Variants in LTBP2 observed in about 807,000 individuals in gnomAD.
The protein encoded by LTBP2 is latent-transforming growth factor beta-binding protein 2.
A neutral mutation model predicts 210.6 loss-of-function variants in LTBP2; 103 were observed. The ratio of observed to expected loss-of-function variants is 0.49; its 90% CI spans 0.42 to 0.58. The LOEUF (loss-of-function observed/expected upper bound fraction) is 0.58, where lower values mean the gene tolerates loss of function less well. Ranked by LOEUF, LTBP2 falls within the 20% of genes least tolerant of loss-of-function variation. The pLI is 0.00. For synonymous variants in LTBP2, 1,007 were observed against 1,015.0 expected, an observed-to-expected ratio of 0.99 and a Z score of 0.15; for missense variants, 2,313 against 2,494.5, an observed-to-expected ratio of 0.93 and a Z score of 1.55.
chr14:74,580,582 C>A (rs139707957), intron 3 of LTBP2, among the ~76,000 whole-genome samples: 1 of 152,298 alleles, frequency 6.6e-6, no homozygotes, highest in Non-Finnish European at 1.5e-5. Flanking sequence ...ATCCTGCCAC[C>A]TTTATTTTTG....
chr14:74,504,160 T>C, intron 30 of LTBP2, 106 bp from the exon 31 acceptor site: 1 of 1,427,652 alleles, frequency 7.0e-7, no homozygotes, highest in Non-Finnish European at 9.6e-7. Flanking sequence ...GCTCTGCCAC[T>C]TACTAGGTGG....
chr14:74,532,658 G>A (rs2087367064), intron 9 of LTBP2, 110 bp from the exon 10 acceptor site: 2 of 1,258,748 alleles, frequency 1.6e-6, no homozygotes, highest in Non-Finnish European at 1.1e-6. Flanking sequence ...AACAACAAAA[G>A]AGCTGCTATG....
At chr14:74,502,972 C>A in intron 33 of LTBP2, 38 bp from the exon 34 acceptor site, 1 of 1,605,558 alleles carries the variant, frequency 6.2e-7, no homozygotes, top group Non-Finnish European at 8.5e-7. Context: ...TGGGTTCTAG[C>A]TCCTGCCAGC....
In LTBP2 at chr14:74,506,188, A is replaced by T. The variant is rs2086981418; in HGVS notation, c.4037T>A (p.Val1346Glu). The T allele has an allele frequency of 6.2e-7, 1 of 1,614,026 alleles. No individual in the cohort carries two copies. The highest frequency in any genetic ancestry group is 2.2e-5 in the East Asian group (1 of 44,846). ...CGCCAGCATAAGCTCACACTCGTTCACATCTGCCAGGTGTGAGAACAGGCT... is the reference window on the plus strand; with the variant it reads ...CGCCAGCATAAGCTCACACTCGTTCTCATCTGCCAGGTGTGAGAACAGGCT... ...ISPSGWDCVDVNECELMLAVC... is the reference protein window; with the variant it reads ...ISPSGWDCVDENECELMLAVC... The change falls in exon 28 of 36, where the codon GTG (valine) becomes GAG (glutamate). Residue 1346 changes from valine to glutamate, a missense_variant. Physicochemically the swap from Val to Glu is moderately radical, Grantham distance 121. Coordinates refer to ENST00000261978, the MANE Select transcript of LTBP2 (RefSeq NM_000428.3).
At chr14:74,546,658 G>A (rs149688322) in intron 8 of LTBP2, among the ~76,000 whole-genome samples, 40 of 152,326 alleles carry the variant, frequency 2.6e-4, no homozygotes, top group African/African-American at 6.0e-4. Context: ...AGGGCTGAGC[G>A]TTGGGTGTGT....
chr14:74,552,747 G>A, intron 5 of LTBP2, 145 bp downstream of exon 5: 1 of 1,025,768 alleles, frequency 9.7e-7, no homozygotes, highest in Non-Finnish European at 1.5e-6. Flanking sequence ...GCTGCCAAGT[G>A]AGGACTCAGC....
chr14:74,602,976 A>G (rs2139807144), intron 2 of LTBP2, among the ~76,000 whole-genome samples: 1 of 152,366 alleles, frequency 6.6e-6, no homozygotes, highest in East Asian at 1.9e-4. Context: ...GCTCTGGGCC[A>G]GGCATGTTCT....
At chr14:74,608,082 G>A (rs537938200) in intron 1 of LTBP2, among the ~76,000 whole-genome samples, 49 of 151,500 alleles carry the variant, frequency 3.2e-4, no homozygotes, top group South Asian at 6.3e-4. Flanking sequence ...CACCGCGCCC[G>A]GCTAATTTTT....
At chr14:74,516,175 T>C (rs895645884) in intron 18 of LTBP2, among the ~76,000 whole-genome samples, 3 of 152,198 alleles carry the variant, frequency 2.0e-5, no homozygotes, top group Non-Finnish European at 2.9e-5. Flanking sequence ...CGAGAGCAAA[T>C]GCCCTGGGCC....
In LTBP2 at chr14:74,586,278, C is replaced by A. The variant is rs996846615; in HGVS notation, c.566-160G>T. Among the ~76,000 whole-genome samples the A allele has an allele frequency of 2.0e-5, 3 of 152,162 alleles. No individual in the cohort carries two copies. Among genetic ancestry groups the A allele is most frequent in the Non-Finnish European group, 4.4e-5 (3 of 68,028 alleles). On this transcript the variant is annotated intron_variant, in intron 2 of 35. Coordinates refer to ENST00000261978, the MANE Select transcript of LTBP2 (RefSeq NM_000428.3). This position sits in a 1 kb window ranked among gnomAD's most constrained non-coding sequence, Gnocchi z 4.6. ...TCAGGGGGCTCCCTGACCCATGTCT[C>A]TCCCACCTCCATCCACAGACCCCCA...
In LTBP2 at chr14:74,555,637, C is replaced by T. The variant is rs937320332; in HGVS notation, c.887G>A (p.Arg296His). The stretch of plus-strand genomic sequence containing the variant: ...GGCAGTCGGGTGAAGTCGGACAGTG[C>T]GGGACAACCCCACGTGCTGCTGGGA... ...HPSQQHVGLS[R>H]TVRLHPTATA... The change falls in exon 4 of 36, where the codon CGC (arginine) becomes CAC (histidine). Residue 296 changes from arginine (R) to histidine (H), a missense_variant. Arg to His is a conservative substitution (Grantham distance 29). Transcript: ENST00000261978. 17 of 1,594,054 alleles carry T rather than the reference C, an allele frequency of 1.1e-5. No homozygotes were observed. The highest frequency in any genetic ancestry group is 1.3e-5 in the African/African-American group (1 of 74,496).
At chr14:74,541,331 T>C (rs943541292) in intron 8 of LTBP2, among the ~76,000 whole-genome samples, 2 of 152,140 alleles carry the variant, frequency 1.3e-5, no homozygotes, top group Non-Finnish European at 2.9e-5. Flanking sequence ...TCAGTCAAAA[T>C]AGGAACAAAT....
intron 8 of LTBP2, among the ~76,000 whole-genome samples, chr14:74,545,764 G>T (rs551819836): frequency 6.6e-6 from 1 of 152,312 alleles, no homozygotes; most frequent in Admixed American, 6.5e-5. Flanking sequence ...GATTGAAGAG[G>T]GCTATGAGCT....
At chr14:74,518,997 A>G (rs543561455) in intron 17 of LTBP2, among the ~76,000 whole-genome samples, 21 of 152,326 alleles carry the variant, frequency 1.4e-4, no homozygotes, top group Non-Finnish European at 2.8e-4. Flanking sequence ...CCCTCACTCC[A>G]TGGAGAAAAA....
chr14:74,535,225 C>T (rs2087404423), intron 9 of LTBP2, among the ~76,000 whole-genome samples: 1 of 152,104 alleles, frequency 6.6e-6, no homozygotes, highest in African/African-American at 2.4e-5. Flanking sequence ...TGCAGAGCTT[C>T]CCCAGACTCC....
At chr14:74,505,661 T>G (rs1303418292) in intron 28 of LTBP2, among the ~76,000 whole-genome samples, 1 of 151,692 alleles carries the variant, frequency 6.6e-6, no homozygotes, top group Non-Finnish European at 1.5e-5. Flanking sequence ...ACCCAGGAGC[T>G]CTCGGGTGGA....
chr14:74,588,196 T>C (rs963890936), intron 2 of LTBP2, among the ~76,000 whole-genome samples: 15 of 152,172 alleles, frequency 9.9e-5, no homozygotes, highest in Non-Finnish European at 1.9e-4. Context: ...CATACTGCCA[T>C]TAGTTTTTGT....
intron 8 of LTBP2, among the ~76,000 whole-genome samples, chr14:74,548,147 G>T (rs888021579): frequency 2.0e-5 from 3 of 151,402 alleles, no homozygotes; most frequent in African/African-American, 7.3e-5. Flanking sequence ...GTACAGATGT[G>T]CAAGTTGTGC....
chr14:74,506,911 G>A lies in LTBP2; in HGVS notation c.3908-88C>T, dbSNP rs552823894. The stretch of plus-strand genomic sequence containing the variant: ...CGCGTGTGTGCTCACTCTCTCACAC[G>A]CATGCACACTCTCTCGTTCTCTGCT... On this transcript the variant is annotated intron_variant, in intron 26 of 35. Transcript: ENST00000261978. 95 of 1,582,736 alleles carry A rather than the reference G, an allele frequency of 6.0e-5. No individual in the cohort carries two copies. The African/African-American group carries it at 7.8e-4, about 13-fold the overall frequency.
Sources: allele counts gnomAD v4.1 joint callset (sites outside exome capture counted in the v4.1 genomes callset), GRCh38; gene constraint gnomAD v4.1.1; non-coding constraint Gnocchi (gnomAD v3.1); transcripts MANE v1.5; gene names NCBI Gene and HGNC (gene_info 2026-07-23, HGNC 2026-07-21).